CACNA2D4: variants seen among roughly 807,000 people sequenced by gnomAD.
The protein encoded by CACNA2D4 is calcium voltage-gated channel auxiliary subunit alpha2delta 4.
Under a neutral mutation model 163.8 loss-of-function variants are expected in CACNA2D4, and 157 were observed. The ratio of observed to expected loss-of-function variants is 0.96; its 90% CI spans 0.84 to 1.09. The LOEUF (loss-of-function observed/expected upper bound fraction) is 1.09, where lower values mean the gene tolerates loss of function less well. Ranked by LOEUF, CACNA2D4 falls within the 50% of genes least tolerant of loss-of-function variation. The pLI is 0.00. For missense variants in CACNA2D4, 1,410 were observed against 1,479.9 expected (o/e 0.95, Z 0.78); for synonymous variants, 598 against 586.9 (o/e 1.02, Z -0.27).
rs990320253 is a variant in CACNA2D4, at chr12:1,883,119, A to T, written c.1352-119T>A. 1 of 1,169,562 alleles carries T rather than the reference A, an allele frequency of 8.6e-7. No individual in the cohort carries two copies. The highest frequency in any genetic ancestry group is 1.2e-6 in the Non-Finnish European group (1 of 838,726). The allele number at this position is 1,169,562 out of a possible 1,614,324, so 72.4% of individuals were successfully genotyped here. On this transcript the variant is annotated intron_variant, in intron 12 of 37. Transcript: ENST00000382722. This position sits in a 1 kb window ranked among gnomAD's most constrained non-coding sequence, Gnocchi z 4.5. ...TAGCCGAATACTCTCTGGAAACTGG[A>T]CCGGGGCACAGGGAGCTGCTTCCCC... is the stretch of plus-strand genomic sequence containing the variant.
In CACNA2D4 at chr12:1,799,565, G is replaced by T. The variant is rs558877192; in HGVS notation, c.2995+110C>A. The T allele has an allele frequency of 1.5e-4, 171 of 1,171,606 alleles. 1 individual carries two copies. The African/African-American group carries it at 1.8e-3, about 12-fold the overall frequency. The allele number at this position is 1,171,606 out of a possible 1,614,324, so 72.6% of individuals were successfully genotyped here. A position where few individuals can be genotyped will look rare whatever the true frequency, so the allele number is the denominator to read the frequency against. ...TGGTACTTTAAACCAGGAGAGCTCA[G>T]CCCTGCTTGGGGTCATTCCTGGGAC... On this transcript the variant is annotated intron_variant, in intron 34 of 37. Coordinates refer to ENST00000382722, the MANE Select transcript of CACNA2D4 (RefSeq NM_172364.5). This position sits in a 1 kb window ranked among gnomAD's most constrained non-coding sequence, Gnocchi z 4.7.
intron 26 of CACNA2D4, among the ~76,000 whole-genome samples, chr12:1,824,232 T>A (rs912861892): frequency 6.6e-6 from 1 of 152,188 alleles, no homozygotes; most frequent in African/African-American, 2.4e-5. Context: ...CCTAGTCGTA[T>A]CAAACTCAAA....
intron 3 of CACNA2D4, among the ~76,000 whole-genome samples, chr12:1,911,806 C>G (rs1477624187): frequency 6.6e-6 from 1 of 152,166 alleles, no homozygotes; most frequent in Non-Finnish European, 1.5e-5. Context: ...GTCTCATACC[C>G]CACTGTCTGT....
intron 13 of CACNA2D4, among the ~76,000 whole-genome samples, chr12:1,882,062 C>A (rs1215567260): frequency 6.6e-6 from 1 of 152,218 alleles, no homozygotes; most frequent in Non-Finnish European, 1.5e-5. Flanking sequence ...AAGTATCCCC[C>A]TTCCCCTTCC....
intron 26 of CACNA2D4, among the ~76,000 whole-genome samples, chr12:1,822,546 G>T (rs886852192): frequency 1.3e-5 from 2 of 152,200 alleles, no homozygotes; most frequent in African/African-American, 4.8e-5. Context: ...CAGCTCCCAT[G>T]AGGGGCCACT....
At chr12:1,876,445 C>T (rs1366821467) in intron 16 of CACNA2D4, among the ~76,000 whole-genome samples, 1 of 152,124 alleles carries the variant, frequency 6.6e-6, no homozygotes, top group Non-Finnish European at 1.5e-5. Context: ...CAGCACTTCC[C>T]GGGTTTAGTT....
chr12:1,838,990 AC>A lies in CACNA2D4; in HGVS notation c.2551+1748del, dbSNP rs1443153310. ...GGCTGCATCGCACACGACCAGTGACACCGGGCTTCTACCCGGGCAATTTGGC... is the reference window on the plus strand; with the variant it reads ...GGCTGCATCGCACACGACCAGTGACACGGGCTTCTACCCGGGCAATTTGGC... On this transcript the variant is annotated intron_variant, in intron 26 of 37. Transcript: ENST00000382722. 3.9e-5 allele frequency among the ~76,000 whole-genome samples: 6 copies of A among 152,280 alleles called. No individual in the cohort carries two copies. In the South Asian group the frequency reaches 1.2e-3, roughly 32 times the overall value.
At chr12:1,867,339 A>G (rs1865673671) in intron 18 of CACNA2D4, among the ~76,000 whole-genome samples, 1 of 152,012 alleles carries the variant, frequency 6.6e-6, no homozygotes, top group African/African-American at 2.4e-5. Flanking sequence ...ACATGTAATT[A>G]GACCACTTGA....
chr12:1,854,492 G>A lies in CACNA2D4; in HGVS notation c.2153-448C>T, dbSNP rs565505120. ...ATGATCTTGGCTCACTTCAACCTCCGCCTCCCAGGTTTAAGCAATTCTCCT... is the reference window on the plus strand; with the variant it reads ...ATGATCTTGGCTCACTTCAACCTCCACCTCCCAGGTTTAAGCAATTCTCCT... On this transcript the variant is annotated intron_variant, in intron 22 of 37. Coordinates refer to ENST00000382722, the MANE Select transcript of CACNA2D4 (RefSeq NM_172364.5). Among the ~76,000 whole-genome samples, 64 of 152,138 alleles carry A rather than the reference G, an allele frequency of 4.2e-4. No homozygotes were observed. The South Asian group carries it at 4.4e-3, about 10-fold the overall frequency.
At chr12:1,797,713 C>T (rs749867439) in intron 34 of CACNA2D4, 178 bp from the exon 35 acceptor site, 11 of 639,062 alleles carry the variant, frequency 1.7e-5, no homozygotes, top group African/African-American at 3.7e-5. Flanking sequence ...GGAAGACACC[C>T]GGAGTCTCTG....
chr12:1,915,149 C>A, intron 1 of CACNA2D4: 1 of 703,308 alleles, frequency 1.4e-6, no homozygotes, highest in Non-Finnish European at 2.6e-6. Context: ...CATGCATATG[C>A]ATACACACAC....
Position 1,917,210 on chromosome 12 carries a change from C to A in CACNA2D4, c.227+1037G>T, listed in dbSNP as rs1867008429. ...CTCGGGGCCTCTGTTTCCTCAGCTG[C>A]AAAATAGGGATAAAAATAAGCCCCC... On this transcript the variant is annotated intron_variant, in intron 1 of 37. Transcript: ENST00000382722. This position sits in a 1 kb window ranked among gnomAD's most constrained non-coding sequence, Gnocchi z 4.3. Among the ~76,000 whole-genome samples the A allele has an allele frequency of 6.6e-6, 1 of 152,096 alleles. No homozygotes were observed. The highest frequency in any genetic ancestry group is 1.5e-5 in the Non-Finnish European group (1 of 68,022).
chr12:1,916,665 AAAG>A (rs1866990663), intron 1 of CACNA2D4, among the ~76,000 whole-genome samples: 1 of 152,162 alleles, frequency 6.6e-6, no homozygotes, highest in Non-Finnish European at 1.5e-5. Flanking sequence ...GACTGGGATA[AAAG>A]AAGACGGGGG....
rs537815966 is a variant in CACNA2D4, at chr12:1,837,181, G to A, written c.2551+3558C>T. ...CGGCCCTGGCAGCCAGGACAGATGG[G>A]CTCGTGTGGCGAGAAGGCACTGTTT... On this transcript the variant is annotated intron_variant, in intron 26 of 37. Coordinates refer to ENST00000382722, the MANE Select transcript of CACNA2D4 (RefSeq NM_172364.5). 1.9e-4 allele frequency among the ~76,000 whole-genome samples: 29 copies of A among 152,348 alleles called. No individual in the cohort carries two copies. In the East Asian group the frequency reaches 5.4e-3, roughly 28 times the overall value.
chr12:1,875,241 C>G lies in CACNA2D4; in HGVS notation c.1806+10G>C. 6.3e-7 allele frequency: 1 copy of G among 1,596,934 alleles called. No individual in the cohort carries two copies. Among genetic ancestry groups the G allele is most frequent in the Non-Finnish European group, 8.6e-7 (1 of 1,164,510 alleles). On this transcript the variant is annotated intron_variant, in intron 17 of 37. Transcript: ENST00000382722. The surrounding 1 kb of genome is among the most constrained non-coding windows in gnomAD (Gnocchi z 4.0). ...AACTAGCTTCCCTTCCCCCTATTTTCCCCACTCACAGATTCAGCCTGGTCT... is the reference window on the plus strand; with the variant it reads ...AACTAGCTTCCCTTCCCCCTATTTTGCCCACTCACAGATTCAGCCTGGTCT...
intron 6 of CACNA2D4, among the ~76,000 whole-genome samples, chr12:1,900,505 G>A (rs1156479003): frequency 1.3e-5 from 2 of 152,182 alleles, no homozygotes; most frequent in African/African-American, 4.8e-5. Context: ...TTCATTGCTT[G>A]TGGGAATATA....
intron 6 of CACNA2D4, among the ~76,000 whole-genome samples, chr12:1,894,501 G>A (rs1592740371): frequency 6.6e-6 from 1 of 152,242 alleles, no homozygotes; most frequent in South Asian, 2.1e-4. Context: ...CAAAATACTA[G>A]CAAGCCAAAT....
rs1014689323 is a variant in CACNA2D4 at position 1,816,352 on chromosome 12, A to G, written c.2552-4629T>C. 1.5e-4 allele frequency among the ~76,000 whole-genome samples: 23 copies of G among 152,278 alleles called. 1 individual carries two copies. The highest frequency in any genetic ancestry group is 1.2e-3 in the Admixed American group (19 of 15,308). ...AGGAAAGCTTCCCTCATGCCTGTGC[A>G]TGGTGGGCCCCTGTTTTAGACCCTG... On this transcript the variant is annotated intron_variant, in intron 26 of 37. Coordinates refer to ENST00000382722, the MANE Select transcript of CACNA2D4 (RefSeq NM_172364.5).
intron 29 of CACNA2D4, among the ~76,000 whole-genome samples, chr12:1,807,680 C>T (rs1863585433): frequency 6.6e-6 from 1 of 152,172 alleles, no homozygotes; most frequent in Non-Finnish European, 1.5e-5. Context: ...TACCCAGTGT[C>T]TGCTGTGTGC....
Sources: gnomAD v4.1 joint callset for allele counts (sites outside exome capture counted in the v4.1 genomes callset) on GRCh38, gnomAD v4.1.1 for gene constraint, Gnocchi (gnomAD v3.1) non-coding constraint, MANE v1.5 for transcripts, NCBI Gene and HGNC (gene_info 2026-07-23, HGNC 2026-07-21) for gene names.